The following NAALADL2 variants were observed in gnomAD, a reference collection of about 807,000 sequenced individuals.
NAALADL2 encodes inactive N-acetylated-alpha-linked acidic dipeptidase-like protein 2.
In NAALADL2, 76 loss-of-function variants were observed where a neutral mutation model predicts 87.2. That is an observed-to-expected ratio of 0.87 (90% CI 0.72 to 1.05). The LOEUF is 1.05. Ranked by LOEUF, NAALADL2 falls within the 50% of genes least tolerant of loss-of-function variation. NAALADL2 has a pLI of 0.00. For synonymous variants in NAALADL2, 354 were observed against 331.0 expected (o/e 1.07, Z -0.75); for missense variants, 1,089 against 945.8 (o/e 1.15, Z -1.99).
chr3:175,406,074 AGATACT>A (rs1440408889), intron 5 of NAALADL2, among the ~76,000 whole-genome samples: 1 of 152,244 alleles, frequency 6.6e-6, no homozygotes, highest in African/African-American at 2.4e-5. Flanking sequence ...GTTGCAGTAC[AGATACT>A]AACACTTAAA....
At chr3:175,268,774 C>G (rs1048969107) in intron 4 of NAALADL2, among the ~76,000 whole-genome samples, 1 of 152,046 alleles carries the variant, frequency 6.6e-6, no homozygotes, top group Non-Finnish European at 1.5e-5. Context: ...AAGGCCTACA[C>G]AGGGTCTGGA....
At chr3:175,339,723 C>A (rs1018654696) in intron 5 of NAALADL2, among the ~76,000 whole-genome samples, 2 of 152,152 alleles carry the variant, frequency 1.3e-5, no homozygotes, top group Non-Finnish European at 2.9e-5. Flanking sequence ...TTTCAGAGGA[C>A]TCATGGATAC....
At chr3:175,765,492 T>G (rs1383066388) in intron 13 of NAALADL2, among the ~76,000 whole-genome samples, 5 of 152,104 alleles carry the variant, frequency 3.3e-5, no homozygotes. Context: ...ATTAGACATT[T>G]AAAAACTTGT....
chr3:175,254,241 A>T (rs766060163), intron 3 of NAALADL2, among the ~76,000 whole-genome samples: 20 of 152,156 alleles, frequency 1.3e-4, no homozygotes, highest in Non-Finnish European at 2.4e-4. Flanking sequence ...AACCTTTAGC[A>T]ACTGTGACCC....
intron 2 of NAALADL2, among the ~76,000 whole-genome samples, chr3:175,217,230 G>A (rs572513040): frequency 6.6e-6 from 1 of 152,248 alleles, no homozygotes; most frequent in East Asian, 1.9e-4. Flanking sequence ...CTTACACAGG[G>A]AGGTATAAAT....
At chr3:174,496,311 T>C (rs906181192) in intron 1 of NAALADL2, among the ~76,000 whole-genome samples, 6 of 152,168 alleles carry the variant, frequency 3.9e-5, no homozygotes, top group Admixed American at 3.3e-4. Context: ...GTATTTTGGC[T>C]ATCTTTGTGT....
chr3:175,224,713 T>G (rs974320601), intron 2 of NAALADL2, among the ~76,000 whole-genome samples: 1 of 152,172 alleles, frequency 6.6e-6, no homozygotes, highest in African/African-American at 2.4e-5. Context: ...TGCAGCTTAT[T>G]TCTGGTCTAG....
At position 175,467,021 on chromosome 3, in the gene NAALADL2, G is replaced by T; in HGVS notation, c.1370G>T (p.Ser457Ile). The T allele has an allele frequency of 6.2e-7, 1 of 1,613,822 alleles. No individual in the cohort carries two copies. The highest frequency in any genetic ancestry group is 8.5e-7 in the Non-Finnish European group (1 of 1,179,792). ...IVGSHHHTAH[S>I]YNGQEWASST... ...GGCAGCCATCATCACACTGCACACA[G>T]TTATAATGGACAAGAATGGGCCAGT... Residue 457 changes from serine (S) to isoleucine (I), a missense_variant, in exon 8 of 14, where the codon AGT becomes ATT. Ser to Ile is a moderately radical substitution (Grantham distance 142). Coordinates refer to ENST00000454872, the MANE Select transcript of NAALADL2 (RefSeq NM_207015.3).
At chr3:174,838,513 G>T (rs921845734) in intron 3 of NAALADL2, among the ~76,000 whole-genome samples, 1 of 152,152 alleles carries the variant, frequency 6.6e-6, no homozygotes, top group African/African-American at 2.4e-5. Flanking sequence ...ACAAGAGAAG[G>T]AAATAAAGGA....
chr3:174,694,484 C>A (rs1171597173), intron 2 of NAALADL2, among the ~76,000 whole-genome samples: 2 of 151,934 alleles, frequency 1.3e-5, no homozygotes, highest in African/African-American at 4.8e-5. Flanking sequence ...TTTCCTAATA[C>A]CTGGAACAAT....
At chr3:174,713,154 T>C (rs1380793702) in intron 2 of NAALADL2, among the ~76,000 whole-genome samples, 1 of 152,238 alleles carries the variant, frequency 6.6e-6, no homozygotes, top group African/African-American at 2.4e-5. Context: ...TATGGCTGCA[T>C]AGTATTCCAT....
rs930167509 is a variant in NAALADL2, at chr3:175,805,968, G to C, written c.*2765G>C. 1 of 151,584 alleles carries C rather than the reference G, an allele frequency of 6.6e-6. No individual in the cohort carries two copies. The highest frequency in any genetic ancestry group is 2.1e-4 in the South Asian group (1 of 4,804). 9.4% of individuals were successfully genotyped at this position (151,584 alleles called of 1,614,324 possible). A position where few individuals can be genotyped will look rare whatever the true frequency, so the allele number is the denominator to read the frequency against. On this transcript the variant is annotated 3_prime_UTR_variant, in exon 14 of 14. Transcript: ENST00000454872. ...ACCAGATATAGTAACTAAACCCAAA[G>C]TGAGTAAGAAACTTGGACATAGTCA... is the stretch of plus-strand genomic sequence containing the variant.
At chr3:175,360,573 T>TA (rs1168271963) in intron 5 of NAALADL2, among the ~76,000 whole-genome samples, 1 of 152,078 alleles carries the variant, frequency 6.6e-6, no homozygotes, top group African/African-American at 2.4e-5. Flanking sequence ...AGTGTTGAGA[T>TA]ACAGCAAATT....
In NAALADL2 at chr3:175,290,590, T is replaced by C. The variant is rs77025472; in HGVS notation, c.940-33585T>C. Among the ~76,000 whole-genome samples, 20 of 152,310 alleles carry C rather than the reference T, an allele frequency of 1.3e-4. No homozygotes were observed. In the East Asian group the frequency reaches 3.7e-3, roughly 28 times the overall value. Reference sequence around the variant, plus strand: ...AAATTTATGCCTTGAAACTAGTGGATTTTATAATATGAAAATTATATCTTA... The same window carrying C: ...AAATTTATGCCTTGAAACTAGTGGACTTTATAATATGAAAATTATATCTTA... On this transcript the variant is annotated intron_variant, in intron 4 of 13. Transcript: ENST00000454872.
intron 13 of NAALADL2, chr3:175,773,244 T>C (rs902514885): frequency 2.0e-5 from 3 of 152,282 alleles, no homozygotes; most frequent in East Asian, 3.9e-4. Context: ...ATAATACAAT[T>C]GAGTCCTCAA....
At chr3:175,788,089 T>TTTTTA (rs1752323615) in intron 13 of NAALADL2, among the ~76,000 whole-genome samples, 1 of 58,096 alleles carries the variant, frequency 1.7e-5, no homozygotes, top group African/African-American at 1.3e-4. Context: ...TTTTTACCTG[T>TTTTTA]TTTTTTTTTT....
intron 3 of NAALADL2, among the ~76,000 whole-genome samples, chr3:174,777,622 A>G (rs1435595635): frequency 1.3e-5 from 2 of 152,174 alleles, no homozygotes; most frequent in Non-Finnish European, 2.9e-5. Flanking sequence ...ATAATGCTAC[A>G]TATCTGCAGT....
chr3:175,755,100 A>T (rs762871429), intron 12 of NAALADL2, 120 bp from the exon 13 acceptor site: 3 of 764,756 alleles, frequency 3.9e-6, no homozygotes, highest in Non-Finnish European at 6.2e-6. Context: ...TGTCAATGAC[A>T]ATTTCCTCTT....
intron 2 of NAALADL2, among the ~76,000 whole-genome samples, chr3:174,630,818 T>A (rs1240384244): frequency 6.6e-6 from 1 of 152,170 alleles, no homozygotes; most frequent in East Asian, 1.9e-4. Context: ...TGGCTTCAGG[T>A]GAGATCTGTC....
Sources: gnomAD v4.1 joint callset for allele counts (sites outside exome capture counted in the v4.1 genomes callset) on GRCh38, gnomAD v4.1.1 for gene constraint, MANE v1.5 for transcripts, NCBI Gene and HGNC (gene_info 2026-07-23, HGNC 2026-07-21) for gene names.